Variants in RAB3GAP2 observed in about 807,000 individuals in gnomAD.
The protein encoded by RAB3GAP2 is rab3 GTPase-activating protein non-catalytic subunit.
In RAB3GAP2, 87 loss-of-function variants were observed where a neutral mutation model predicts 185.3. The ratio of observed to expected loss-of-function variants is 0.47; its 90% CI spans 0.39 to 0.56. The LOEUF (loss-of-function observed/expected upper bound fraction) is 0.56. Among genes scored for constraint, RAB3GAP2 ranks in the 20% least tolerant of loss-of-function variants. The pLI, the probability that RAB3GAP2 is intolerant of heterozygous loss-of-function variation, is 0.00. For missense variants in RAB3GAP2, 1,492 were observed against 1,638.2 expected (o/e 0.91, Z 1.54); for synonymous variants, 554 against 576.1 (o/e 0.96, Z 0.55).
chr1:220,159,175 T>A (rs985554123), intron 29 of RAB3GAP2, among the ~76,000 whole-genome samples: 13 of 152,228 alleles, frequency 8.5e-5, no homozygotes, highest in Admixed American at 7.8e-4. Flanking sequence ...CCTAGTTTAA[T>A]ATGCTATCTA....
chr1:220,158,253 C>G lies in RAB3GAP2; in HGVS notation c.3262-377G>C, dbSNP rs549098493. On this transcript the variant is annotated intron_variant, in intron 29 of 34. Coordinates refer to ENST00000358951, the MANE Select transcript of RAB3GAP2 (RefSeq NM_012414.4). The surrounding 1 kb of genome is among the most constrained non-coding windows in gnomAD (Gnocchi z 4.3). ...GGAAGATACACACATGAGAATCTAA[C>G]CTGAAAAGCTCCAAGAAAACAGCCT... 1.3e-5 allele frequency among the ~76,000 whole-genome samples: 2 copies of G among 152,124 alleles called. No individual in the cohort carries two copies. The highest frequency in any genetic ancestry group is 1.3e-4 in the Admixed American group (2 of 15,264).
At chr1:220,232,639 G>A (rs1427391498) in intron 2 of RAB3GAP2, among the ~76,000 whole-genome samples, 160 bp downstream of exon 2, 2 of 152,180 alleles carry the variant, frequency 1.3e-5, no homozygotes, top group Non-Finnish European at 2.9e-5. Context: ...ATGTCATTAA[G>A]TTCCTTAAGA....
intron 6 of RAB3GAP2, 133 bp from the exon 7 acceptor site, chr1:220,210,622 T>C: frequency 1.0e-6 from 1 of 953,290 alleles, no homozygotes; most frequent in South Asian, 1.4e-5. Flanking sequence ...AGAATACAGC[T>C]CCTCTTCTCT....
At chr1:220,255,190 T>C (rs1660013160) in intron 1 of RAB3GAP2, among the ~76,000 whole-genome samples, 1 of 151,622 alleles carries the variant, frequency 6.6e-6, no homozygotes, top group Non-Finnish European at 1.5e-5. Flanking sequence ...ATAAATTTTT[T>C]CTTTAAATTT....
chr1:220,260,304 G>A (rs1473813434), intron 1 of RAB3GAP2, among the ~76,000 whole-genome samples: 1 of 142,984 alleles, frequency 7.0e-6, no homozygotes, highest in African/African-American at 2.7e-5. Context: ...GTTCACTGCA[G>A]CACTATTCAC....
chr1:220,212,515 G>C (rs572937170), intron 4 of RAB3GAP2, among the ~76,000 whole-genome samples: 20 of 151,456 alleles, frequency 1.3e-4, no homozygotes, highest in African/African-American at 4.4e-4. Context: ...TTTTTTAAGA[G>C]ACAGGGTGTC....
At chr1:220,185,577 C>G in intron 18 of RAB3GAP2, 74 bp downstream of exon 18, 1 of 1,095,692 alleles carries the variant, frequency 9.1e-7, no homozygotes, top group Non-Finnish European at 1.4e-6. Context: ...ATCACAAAGT[C>G]AATAGCTTTC....
intron 1 of RAB3GAP2, among the ~76,000 whole-genome samples, chr1:220,250,794 C>T (rs1003654646): frequency 6.6e-6 from 1 of 152,128 alleles, no homozygotes; most frequent in African/African-American, 2.4e-5. Flanking sequence ...TTATAAGGGG[C>T]TCTCCCCCAA....
chr1:220,167,339 G>A lies in RAB3GAP2; in HGVS notation c.3041C>T (p.Ala1014Val). The A allele has an allele frequency of 6.2e-7, 1 of 1,614,182 alleles. No individual in the cohort carries two copies. Among genetic ancestry groups the A allele is most frequent in the Non-Finnish European group, 8.5e-7 (1 of 1,180,034 alleles). Residue 1014 changes from alanine to valine, a missense_variant, in exon 26 of 35, where the codon GCA (alanine) becomes GTA (valine). This residue lies in a region of RAB3GAP2 where 387 missense variants were observed against 455.3 expected (regional missense o/e 0.85). Coordinates refer to ENST00000358951, the MANE Select transcript of RAB3GAP2 (RefSeq NM_012414.4). ...AACAACGTACTCCCAGCAGCAATGT[G>A]CATGCAAGACATCGAGCTCAAGGCT... ...PCSLELDVLH[A>V]HCCWEYVVQW...
At chr1:220,156,563 T>C (rs1274615928) in intron 31 of RAB3GAP2, among the ~76,000 whole-genome samples, 1 of 152,112 alleles carries the variant, frequency 6.6e-6, no homozygotes, top group African/African-American at 2.4e-5. Flanking sequence ...ACCTGTCTCT[T>C]AGGAAGACAG....
In RAB3GAP2 at chr1:220,182,374, G is replaced by A; in HGVS notation, c.2213-20C>T. 1 of 1,613,552 alleles carries A rather than the reference G, an allele frequency of 6.2e-7. No individual in the cohort carries two copies. The highest frequency in any genetic ancestry group is 8.5e-7 in the Non-Finnish European group (1 of 1,179,756). ...AACTACCTGGTAGAAGAAAAACAAA[G>A]CACATTAATCAATGACTACTTACCA... On this transcript the variant is annotated intron_variant, in intron 20 of 34. Coordinates refer to ENST00000358951, the MANE Select transcript of RAB3GAP2 (RefSeq NM_012414.4).
intron 24 of RAB3GAP2, among the ~76,000 whole-genome samples, chr1:220,168,705 TTTAA>T (rs1215423661): frequency 6.6e-6 from 1 of 152,212 alleles, no homozygotes; most frequent in Non-Finnish European, 1.5e-5. Flanking sequence ...CCCTATTACT[TTTAA>T]TAATCAACAA....
At position 220,151,775 on chromosome 1, in the gene RAB3GAP2, G is replaced by A; in HGVS notation, c.3868-11C>T. 1 of 1,593,634 alleles carries A rather than the reference G, an allele frequency of 6.3e-7. No homozygotes were observed. The highest frequency in any genetic ancestry group is 1.1e-5 in the South Asian group (1 of 90,604). ...AACCTGTAGAATGGCCTGAAGATAG[G>A]AACATGGAGAAATAATACAGTCAGA... On this transcript the variant is annotated splice_polypyrimidine_tract_variant and intron_variant, in intron 33 of 34. Coordinates refer to ENST00000358951, the MANE Select transcript of RAB3GAP2 (RefSeq NM_012414.4).
chr1:220,265,167 T>C (rs1218026908), intron 1 of RAB3GAP2, among the ~76,000 whole-genome samples: 5 of 152,192 alleles, frequency 3.3e-5, no homozygotes, highest in Admixed American at 2.6e-4. Flanking sequence ...CTAGAGAAAA[T>C]ATTTTACTAC....
intron 1 of RAB3GAP2, chr1:220,254,207 C>A: frequency 6.2e-7 from 1 of 1,613,190 alleles, no homozygotes. Flanking sequence ...AAGGAGTATG[C>A]GGTTAATGAA....
intron 19 of RAB3GAP2, among the ~76,000 whole-genome samples, chr1:220,183,463 G>A (rs1658451446): frequency 6.6e-6 from 1 of 151,830 alleles, no homozygotes; most frequent in Non-Finnish European, 1.5e-5. Flanking sequence ...ATGTTGCCCA[G>A]GCTGCTCTCG....
chr1:220,207,371 A>C (rs1571900907), intron 7 of RAB3GAP2, among the ~76,000 whole-genome samples: 1 of 152,336 alleles, frequency 6.6e-6, no homozygotes, highest in South Asian at 2.1e-4. Flanking sequence ...TATCTTTGCC[A>C]ATCCAAAAGG....
intron 31 of RAB3GAP2, among the ~76,000 whole-genome samples, chr1:220,156,077 A>C (rs776433589): frequency 7.2e-5 from 11 of 152,010 alleles, no homozygotes; most frequent in Admixed American, 2.0e-4. Context: ...CAGCCTCCCA[A>C]GTAGCTGGGA....
intron 1 of RAB3GAP2, chr1:220,254,446 G>A (rs1200990485): frequency 1.9e-6 from 3 of 1,613,246 alleles, no homozygotes; most frequent in East Asian, 4.5e-5. Flanking sequence ...TTATCTTCAC[G>A]ATTTCCTAAA....
Sources: allele counts gnomAD v4.1 joint callset (sites outside exome capture counted in the v4.1 genomes callset), GRCh38; gene constraint gnomAD v4.1.1; regional missense constraint gnomAD v4.1.1; non-coding constraint Gnocchi (gnomAD v3.1); transcripts MANE v1.5; gene names NCBI Gene and HGNC (gene_info 2026-07-23, HGNC 2026-07-21).